The following XPO6 variants were observed in gnomAD, a reference collection of about 807,000 sequenced individuals.
The protein encoded by XPO6 is exportin 6.
Under a neutral mutation model 130.0 loss-of-function variants are expected in XPO6, and 3 were observed. The ratio of observed to expected loss-of-function variants is 0.02; its 90% confidence interval spans 0.01 to 0.06. The LOEUF is 0.06. XPO6 is among the 10% of genes least tolerant of loss of function. XPO6 has a pLI of 1.00. For missense variants in XPO6, 970 were observed against 1,393.0 expected (o/e 0.70, Z 4.83); for synonymous variants, 524 against 548.9 (o/e 0.95, Z 0.63).
In XPO6 at chr16:28,152,664, G is replaced by T; in HGVS notation, c.1219C>A (p.His407Asn). Residue 407 changes from histidine (H) to asparagine (N), a missense_variant, in exon 8 of 24, where the codon CAT (histidine) becomes AAT (asparagine). His to Asn is a moderately conservative substitution (Grantham distance 68). Around this residue, in one of 4 missense-constraint regions of XPO6, gnomAD observed 936 missense variants for 1,306.8 expected, o/e 0.72. Transcript: ENST00000304658. ...GGATGACTTTGGTGCTTTACCTGAT[G>T]AAATGTGTACTTGAACAAAAGTGTC... ...FLTLLFKYTF[H>N]QPTHEGYFSC... 1 of 1,610,730 alleles carries T rather than the reference G, an allele frequency of 6.2e-7. No homozygotes were observed. Among genetic ancestry groups the T allele is most frequent in the South Asian group, 1.1e-5 (1 of 90,238 alleles).
rs777315948 is a variant in XPO6 at position 28,101,583 on chromosome 16, A to G, written c.3151T>C (p.Tyr1051His). ...TCAAAGTCGACTGAGGCCATGTTGT[A>G]GATGGCGATGCCAATCTCCTCCTGC... is the stretch of plus-strand genomic sequence containing the variant. Reference protein sequence around the residue: ...LLQEEIGIAIYNMASVDFDGF... With the variant: ...LLQEEIGIAIHNMASVDFDGF... The change falls in exon 23 of 24, where the codon TAC (tyrosine) becomes CAC (histidine). Residue 1051 changes from tyrosine to histidine, a missense_variant. Physicochemically the swap from Tyr to His is moderately conservative, Grantham distance 83. This residue lies in a region of XPO6 where 936 missense variants were observed against 1,306.8 expected (regional missense o/e 0.72). Transcript: ENST00000304658. The surrounding 1 kb of genome is among the most constrained non-coding windows in gnomAD (Gnocchi z 5.4). 6.2e-7 allele frequency: 1 copy of G among 1,614,276 alleles called. No individual in the cohort carries two copies. Among genetic ancestry groups the G allele is most frequent in the South Asian group, 1.1e-5 (1 of 91,090 alleles).
chr16:28,143,030 G>A (rs2042923032), intron 9 of XPO6, among the ~76,000 whole-genome samples: 1 of 152,096 alleles, frequency 6.6e-6, no homozygotes, highest in Admixed American at 6.5e-5. Flanking sequence ...ATTTTTCAAA[G>A]GCATAAAGGC....
chr16:28,142,154 C>T (rs1047672266), intron 9 of XPO6, among the ~76,000 whole-genome samples: 2 of 152,228 alleles, frequency 1.3e-5, no homozygotes, highest in Non-Finnish European at 1.5e-5. Flanking sequence ...ACATTTTTGA[C>T]TACTTCCTGC....
In XPO6 at chr16:28,180,257, C is replaced by T. The variant is rs566443037; in HGVS notation, c.94+684G>A. ...GTGGGCACCTGTAATCCCAGCAACT[C>T]GGGAGGCTGAGACAGGAGAATCGCT... On this transcript the variant is annotated intron_variant, in intron 2 of 23. Transcript: ENST00000304658. 1.1e-4 allele frequency among the ~76,000 whole-genome samples: 16 copies of T among 152,150 alleles called. No homozygotes were observed. The South Asian group carries it at 3.3e-3, about 32-fold the overall frequency.
At chr16:28,107,455 GATCT>G (rs2086810704) in intron 18 of XPO6, 63 bp downstream of exon 18, 2 of 1,574,946 alleles carry the variant, frequency 1.3e-6, no homozygotes, top group Admixed American at 1.7e-5. Context: ...GTGTTCTACA[GATCT>G]AAGTGGGTAT....
chr16:28,116,305 CA>C (rs942302288), intron 15 of XPO6, among the ~76,000 whole-genome samples: 1 of 151,944 alleles, frequency 6.6e-6, no homozygotes, highest in East Asian at 1.9e-4. Flanking sequence ...ACAAAAAATA[CA>C]AAAAAATTAG....
intron 9 of XPO6, among the ~76,000 whole-genome samples, chr16:28,143,379 G>A (rs1411826363): frequency 6.6e-6 from 1 of 152,170 alleles, no homozygotes; most frequent in East Asian, 1.9e-4. Flanking sequence ...GCTGTGCCAG[G>A]TATTTTACAT....
intron 8 of XPO6, among the ~76,000 whole-genome samples, chr16:28,147,815 T>TG (rs1177047096): frequency 6.6e-6 from 1 of 152,148 alleles, no homozygotes; most frequent in Non-Finnish European, 1.5e-5. Context: ...AGCATGGCGA[T>TG]GCACGCCTGT....
intron 1 of XPO6, among the ~76,000 whole-genome samples, chr16:28,183,818 G>A (rs1323555150): frequency 6.6e-6 from 1 of 152,150 alleles, no homozygotes; most frequent in Non-Finnish European, 1.5e-5. Flanking sequence ...ATCATATCTA[G>A]TGGGGCTTTT....
chr16:28,117,372 G>A lies in XPO6; in HGVS notation c.1950C>T (p.Phe650=), dbSNP rs372282404. 7.1e-5 allele frequency: 115 copies of A among 1,614,088 alleles called. 1 individual carries two copies. The highest frequency in any genetic ancestry group is 8.8e-5 in the South Asian group (8 of 91,082). ...SEVHRQNTQQ[F]VTLISTTMDA... The stretch of plus-strand genomic sequence containing the variant: ...CCATGGTAGTAGAGATGAGTGTCAC[G>A]AACTGCTGCGTGTTCTGCCGGTGAA... The change falls in exon 15 of 24, where the codon TTC becomes TTT. Residue 650 remains phenylalanine (F), a synonymous_variant. Transcript: ENST00000304658.
intron 7 of XPO6, chr16:28,155,669 C>T (rs2043172075): frequency 5.9e-6 from 1 of 168,726 alleles, no homozygotes; most frequent in African/African-American, 2.4e-5. Flanking sequence ...AAAACTGACA[C>T]CAAGTGACAA....
intron 1 of XPO6, among the ~76,000 whole-genome samples, chr16:28,200,610 T>C (rs901873308): frequency 6.6e-6 from 1 of 152,060 alleles, no homozygotes; most frequent in African/African-American, 2.4e-5. Context: ...AAAAGAAACC[T>C]AGTGATCTAG....
rs2044135054 is a variant in XPO6, at chr16:28,211,646, G to C, written c.-278C>G. 2 of 398,218 alleles carry C rather than the reference G, an allele frequency of 5.0e-6. No homozygotes were observed. The highest frequency in any genetic ancestry group is 8.8e-6 in the Non-Finnish European group (2 of 226,294). 24.7% of individuals were successfully genotyped at this position (398,218 alleles called of 1,614,324 possible). ...TGAGGCTCGGATGCCGGCGAGGAGG[G>C]CAGCTGCTCGGGACCCCCGCCCGGG... is the stretch of plus-strand genomic sequence containing the variant. On this transcript the variant is annotated 5_prime_UTR_variant, in exon 1 of 24. Transcript: ENST00000304658.
chr16:28,142,120 T>C (rs2042906188), intron 9 of XPO6, among the ~76,000 whole-genome samples: 2 of 152,264 alleles, frequency 1.3e-5, no homozygotes, highest in African/African-American at 2.4e-5. Context: ...CACACCTACA[T>C]TTCCCATTTA....
At chr16:28,160,974 T>C (rs2043269361) in intron 6 of XPO6, among the ~76,000 whole-genome samples, 1 of 152,218 alleles carries the variant, frequency 6.6e-6, no homozygotes, top group Non-Finnish European at 1.5e-5. Flanking sequence ...AAAAGATAAC[T>C]AGACTCTCCC....
In XPO6 at chr16:28,156,482, A is replaced by G. The variant is rs769203615; in HGVS notation, c.689T>C (p.Leu230Pro). ...AAGGATGGGAATTGGCTGATTCAAC[A>G]GTTTGGCTGAACTGGGACTCTGCAA... Reference protein sequence around the residue: ...NLLQSPSSAKLLNQPIPILDV... With the variant: ...NLLQSPSSAKPLNQPIPILDV... The change falls in exon 7 of 24, where the codon CTG becomes CCG. Residue 230 changes from leucine (L) to proline (P), a missense_variant. Leu to Pro is a moderately conservative substitution (Grantham distance 98). Coordinates refer to ENST00000304658, the MANE Select transcript of XPO6 (RefSeq NM_015171.4). 6.2e-7 allele frequency: 1 copy of G among 1,600,552 alleles called. No individual in the cohort carries two copies. Among genetic ancestry groups the G allele is most frequent in the South Asian group, 1.1e-5 (1 of 89,790 alleles).
chr16:28,127,832 C>T (rs1412261711), intron 12 of XPO6, among the ~76,000 whole-genome samples: 1 of 152,166 alleles, frequency 6.6e-6, no homozygotes, highest in Non-Finnish European at 1.5e-5. Context: ...ACAGAGAGGG[C>T]CAGTGACAAA....
chr16:28,206,972 T>C (rs940293440), intron 1 of XPO6, among the ~76,000 whole-genome samples: 1 of 151,854 alleles, frequency 6.6e-6, no homozygotes, highest in African/African-American at 2.4e-5. Flanking sequence ...TAAGGCTAGG[T>C]GTGGTGGCTC....
rs934732040 is a variant in XPO6, at chr16:28,132,477, A to G, written c.1537-74T>C. On this transcript the variant is annotated intron_variant, in intron 11 of 23. Coordinates refer to ENST00000304658, the MANE Select transcript of XPO6 (RefSeq NM_015171.4). This position sits in a 1 kb window ranked among gnomAD's most constrained non-coding sequence, Gnocchi z 4.0. ...AGTTTTAATAGCATTTTAACATTACAACATTAACACGTAACTATGGTGTGA... is the reference window on the plus strand; with the variant it reads ...AGTTTTAATAGCATTTTAACATTACGACATTAACACGTAACTATGGTGTGA... The G allele has an allele frequency of 1.2e-5, 12 of 969,274 alleles. No homozygotes were observed. The African/African-American group carries it at 1.8e-4, about 15-fold the overall frequency. 60.0% of individuals were successfully genotyped at this position (969,274 alleles called of 1,614,324 possible). A position where few individuals can be genotyped will look rare whatever the true frequency, so the allele number is the denominator to read the frequency against.
Sources: gnomAD v4.1 joint callset for allele counts (sites outside exome capture counted in the v4.1 genomes callset) on GRCh38, gnomAD v4.1.1 for gene constraint, gnomAD v4.1.1 regional missense constraint, Gnocchi (gnomAD v3.1) non-coding constraint, MANE v1.5 for transcripts, NCBI Gene and HGNC (gene_info 2026-07-23, HGNC 2026-07-21) for gene names.